Variants in SCAMP4 observed in about 807,000 individuals in gnomAD.
SCAMP4 encodes the protein secretory carrier membrane protein 4, also known as secretory carrier-associated membrane protein 4.
A neutral mutation model predicts 32.1 loss-of-function variants in SCAMP4; 19 were observed. That is an observed-to-expected ratio of 0.59 (90% confidence interval 0.41 to 0.87). The LOEUF (loss-of-function observed/expected upper bound fraction) is 0.87, where lower values mean the gene tolerates loss of function less well. SCAMP4 is among the 40% of genes least tolerant of loss of function. The probability of loss-of-function intolerance (pLI) is 0.00; values close to 1 mark genes in which losing one functional copy is unlikely to be tolerated. For missense variants in SCAMP4, 302 were observed against 309.0 expected, an observed-to-expected ratio of 0.98 and a Z score of 0.17; for synonymous variants, 152 against 132.7, an observed-to-expected ratio of 1.15 and a Z score of -1.00.
chr19:1,905,459 G>T lies in SCAMP4; in HGVS notation c.-42+20G>T, dbSNP rs1163814489. On this transcript the variant is annotated intron_variant, in intron 1 of 6. Transcript: ENST00000316097. The stretch of plus-strand genomic sequence containing the variant: ...CCTCAGGTAAGCGCGCGGCCCCGAG[G>T]TCTCGGGTTCTCCAGGCTCAGACTT... 2.2e-6 allele frequency: 1 copy of T among 457,502 alleles called. No individual in the cohort carries two copies. Among genetic ancestry groups the T allele is most frequent in the Non-Finnish European group, 4.5e-6 (1 of 220,558 alleles). The allele number at this position is 457,502 out of a possible 1,614,324, so 28.3% of individuals were successfully genotyped here.
intron 5 of SCAMP4, chr19:1,922,859 C>T (rs749612321): frequency 2.4e-4 from 314 of 1,289,884 alleles, no homozygotes; most frequent in South Asian, 6.0e-4. Context: ...CTCACTGCTG[C>T]GATGGTGGAG....
intron 5 of SCAMP4, chr19:1,922,192 G>A (rs1339950655): frequency 3.0e-6 from 3 of 985,374 alleles, no homozygotes; most frequent in African/African-American, 1.7e-5. Context: ...GGCTGGTCCT[G>A]CACAGAGGGA....
intron 6 of SCAMP4, 117 bp downstream of exon 6, chr19:1,923,304 A>G: frequency 2.4e-6 from 2 of 827,480 alleles, no homozygotes; most frequent in East Asian, 5.9e-5. Context: ...GGTGTCACGC[A>G]GGCCGCACTT....
rs1157892454 is a variant in SCAMP4 at position 1,923,710 on chromosome 19, TG to T, written c.514-394del. ...CTCTGCTCACTGCAAGCTCCGCCTCTGGGGTTCATGCCATTCTCCTGCCTCA... is the reference window on the plus strand; with the variant it reads ...CTCTGCTCACTGCAAGCTCCGCCTCTGGGTTCATGCCATTCTCCTGCCTCA... On this transcript the variant is annotated intron_variant, in intron 6 of 6. Transcript: ENST00000316097. Among the ~76,000 whole-genome samples the T allele has an allele frequency of 1.8e-4, 25 of 142,340 alleles. 1 individual carries two copies. The highest frequency in any genetic ancestry group is 1.5e-3 in the Admixed American group (20 of 13,272). 93.4% of individuals were successfully genotyped at this position (142,340 alleles called of 152,430 possible). A position where few individuals can be genotyped will look rare whatever the true frequency, so the allele number is the denominator to read the frequency against.
rs188161076 is a variant in SCAMP4, at chr19:1,918,448, C to T, written c.293+165C>T. ...GTGGCCCACAAGCCAGAGCCAACTA[C>T]TGTCTGTTTTGTTTTGCTTTCTAGT... is the stretch of plus-strand genomic sequence containing the variant. On this transcript the variant is annotated intron_variant, in intron 4 of 6. Transcript: ENST00000316097. Among the ~76,000 whole-genome samples, 18 of 152,362 alleles carry T rather than the reference C, an allele frequency of 1.2e-4. No individual in the cohort carries two copies. In the East Asian group the frequency reaches 1.3e-3, roughly 11 times the overall value.
At chr19:1,909,172 G>A (rs1004177582) in intron 1 of SCAMP4, among the ~76,000 whole-genome samples, 24 of 152,182 alleles carry the variant, frequency 1.6e-4, no homozygotes, top group Non-Finnish European at 2.4e-4. Context: ...CCTGCGGTGC[G>A]AGTCTGTGGG....
intron 5 of SCAMP4, chr19:1,921,984 C>T (rs535398529): frequency 2.5e-5 from 25 of 985,504 alleles, no homozygotes; most frequent in Admixed American, 1.2e-4. Context: ...ATAAGCTCCC[C>T]GGACACATCC....
intron 5 of SCAMP4, chr19:1,920,145 G>T: frequency 1.0e-6 from 1 of 985,372 alleles, no homozygotes; most frequent in Non-Finnish European, 1.2e-6. Flanking sequence ...TTTTTATTTT[G>T]GAATAATTTG....
chr19:1,913,148 G>A (rs749495408), intron 1 of SCAMP4: 24 of 1,543,902 alleles, frequency 1.6e-5, no homozygotes, highest in Non-Finnish European at 2.1e-5. Flanking sequence ...ACCCCGACAC[G>A]TAGGCGCCGC....
intron 2 of SCAMP4, among the ~76,000 whole-genome samples, chr19:1,916,817 C>T (rs958728120): frequency 2.6e-5 from 4 of 152,204 alleles, no homozygotes; most frequent in African/African-American, 9.6e-5. Flanking sequence ...CCATGGGGAA[C>T]GGAAGCGTCC....
In SCAMP4 at chr19:1,914,982, G is replaced by A. The variant is rs766087796; in HGVS notation, c.-38G>A. 2 of 1,613,550 alleles carry A rather than the reference G, an allele frequency of 1.2e-6. No homozygotes were observed. The highest frequency in any genetic ancestry group is 8.5e-7 in the Non-Finnish European group (1 of 1,179,490). ...ACTGTGGTTGTCTTCCTTCCAGGCG[G>A]CTGCAGGCTTCAGCCTGCGCTGGTT... On this transcript the variant is annotated 5_prime_UTR_variant, in exon 2 of 7. Coordinates refer to ENST00000316097, the MANE Select transcript of SCAMP4 (RefSeq NM_079834.4).
intron 1 of SCAMP4, chr19:1,905,753 T>G (rs1021779724): frequency 1.2e-4 from 18 of 152,516 alleles, no homozygotes; most frequent in Middle Eastern, 3.4e-3. Context: ...ATCCTCCAGC[T>G]GCTTCCGGTG....
chr19:1,912,566 C>T, intron 1 of SCAMP4: 1 of 1,498,712 alleles, frequency 6.7e-7, no homozygotes, highest in Non-Finnish European at 8.8e-7. Context: ...AGCAGGTGAC[C>T]AGCGCCCTGG....
At chr19:1,913,311 A>C (rs978775318) in intron 1 of SCAMP4, 32 of 1,157,142 alleles carry the variant, frequency 2.8e-5, no homozygotes, top group Middle Eastern at 3.0e-4. Context: ...GTGCGGATCG[A>C]GCTTTCCTGG....
At chr19:1,910,213 G>A (rs1338388519) in intron 1 of SCAMP4, among the ~76,000 whole-genome samples, 2 of 152,240 alleles carry the variant, frequency 1.3e-5, no homozygotes, top group Non-Finnish European at 2.9e-5. Context: ...CCAGGGCTGT[G>A]TTGTCATCTG....
At chr19:1,912,043 G>A in intron 1 of SCAMP4, 3 of 1,415,422 alleles carry the variant, frequency 2.1e-6, no homozygotes, top group East Asian at 2.8e-5. Flanking sequence ...GCCCGCAGCC[G>A]CCGGATGATC....
rs554338864 is a variant in SCAMP4, at chr19:1,920,746, A to T, written c.395+1756A>T. On this transcript the variant is annotated intron_variant, in intron 5 of 6. Transcript: ENST00000316097. ...TCCCACTGGCCCTTCCCTGGGCTCC[A>T]GTGCCTCCTGTGAGCCGCCTCCCCG... 5.1e-5 allele frequency: 50 copies of T among 985,464 alleles called. No homozygotes were observed. In the African/African-American group the frequency reaches 8.4e-4, roughly 17 times the overall value. The allele number at this position is 985,464 out of a possible 1,614,324, so 61.0% of individuals were successfully genotyped here.
At chr19:1,915,793 A>G (rs2013712263) in intron 2 of SCAMP4, among the ~76,000 whole-genome samples, 2 of 151,956 alleles carry the variant, frequency 1.3e-5, no homozygotes, top group African/African-American at 4.8e-5. Flanking sequence ...AAAAATACAA[A>G]AAATTAGCTG....
chr19:1,923,017 G>T, intron 5 of SCAMP4, 53 bp from the exon 6 acceptor site: 1 of 1,481,876 alleles, frequency 6.7e-7, no homozygotes, highest in South Asian at 1.3e-5. Flanking sequence ...CCGGACCATG[G>T]GCCCTCATCC....
Sources: gnomAD v4.1 joint callset for allele counts (sites outside exome capture counted in the v4.1 genomes callset) on GRCh38, gnomAD v4.1.1 for gene constraint, MANE v1.5 for transcripts, NCBI Gene and HGNC (gene_info 2026-07-23, HGNC 2026-07-21) for gene names.